DAB1: variants seen among roughly 807,000 people sequenced by gnomAD.
DAB1 encodes the protein disabled homolog 1.
Under a neutral mutation model 64.6 loss-of-function variants are expected in DAB1, and 15 were observed. The ratio of observed to expected loss-of-function variants is 0.23; its 90% CI spans 0.16 to 0.36. DAB1 has a LOEUF of 0.36. Among genes scored for constraint, DAB1 ranks in the 10% least tolerant of loss-of-function variants. The pLI, the probability that DAB1 is intolerant of heterozygous loss-of-function variation, is 1.00. For missense variants in DAB1, 596 were observed against 706.7 expected (o/e 0.84, Z 1.78); for synonymous variants, 235 against 251.9 (o/e 0.93, Z 0.64).
chr1:57,782,384 T>G (rs1650143187), intron 6 of DAB1, among the ~76,000 whole-genome samples: 1 of 152,178 alleles, frequency 6.6e-6, no homozygotes, highest in African/African-American at 2.4e-5. Context: ...TTCATATCTG[T>G]GGCTTAAATC....
rs77446655 is a variant in DAB1, at chr1:57,240,692, A to G, written c.67+50272T>C. Among the ~76,000 whole-genome samples, 197 of 152,346 alleles carry G rather than the reference A, an allele frequency of 1.3e-3. 5 individuals are homozygous for G. In the East Asian group the frequency reaches 0.028, roughly 21 times the overall value. ...AATGAATAAGAGACAAGAATGATGA[A>G]CATGGGCTAGAATGAGCTGAGGAGG... On this transcript the variant is annotated intron_variant, in intron 2 of 14. Coordinates refer to ENST00000371236, the MANE Select transcript of DAB1 (RefSeq NM_001365792.1).
chr1:58,202,633 GA>G (rs1369624109), intron 4 of DAB1, among the ~76,000 whole-genome samples: 1 of 152,158 alleles, frequency 6.6e-6, no homozygotes, highest in Non-Finnish European at 1.5e-5. Flanking sequence ...TGAGTTAATG[GA>G]CGTGAATGTG....
intron 1 of DAB1, among the ~76,000 whole-genome samples, chr1:57,868,596 T>C (rs1456512922): frequency 6.6e-6 from 1 of 152,114 alleles, no homozygotes; most frequent in Non-Finnish European, 1.5e-5. Context: ...AATCTATCTC[T>C]AGACATTTCC....
At chr1:57,068,513 T>C (rs775930402) in intron 8 of DAB1, among the ~76,000 whole-genome samples, 1 of 152,240 alleles carries the variant, frequency 6.6e-6, no homozygotes, top group Non-Finnish European at 1.5e-5. Context: ...CAAGGCAGAA[T>C]AGGCCACACA....
chr1:57,655,119 A>G (rs575261809), intron 6 of DAB1, among the ~76,000 whole-genome samples: 11 of 152,294 alleles, frequency 7.2e-5, no homozygotes, highest in African/African-American at 2.6e-4. Flanking sequence ...GCAAGTATTC[A>G]TGCTATCTTA....
chr1:57,982,859 C>G (rs1646099927), intron 5 of DAB1, among the ~76,000 whole-genome samples: 1 of 152,150 alleles, frequency 6.6e-6, no homozygotes, highest in Non-Finnish European at 1.5e-5. Context: ...GCTTTGTAAG[C>G]CTGGCACTGA....
chr1:57,010,232 G>T lies in DAB1; in HGVS notation c.*15+448C>A, dbSNP rs148265841. ...CATGGCTCACTGAGAAATTATCAGG[G>T]TGGGCAGAATGTGTCCATCTCAAAA... On this transcript the variant is annotated intron_variant, in intron 14 of 14. Coordinates refer to ENST00000371236, the MANE Select transcript of DAB1 (RefSeq NM_001365792.1). 5.3e-5 allele frequency among the ~76,000 whole-genome samples: 8 copies of T among 152,250 alleles called. No homozygotes were observed. The East Asian group carries it at 1.5e-3, about 29-fold the overall frequency.
chr1:58,000,014 GAGGGAGGGAGAA>G (rs1646482530), intron 5 of DAB1, among the ~76,000 whole-genome samples: 1 of 151,446 alleles, frequency 6.6e-6, no homozygotes, highest in African/African-American at 2.4e-5. Flanking sequence ...GGGAGGAAGA[GAGGGAGGGAGAA>G]AGGGAGGGAG....
At chr1:58,423,365 T>A (rs1191498386) in intron 3 of DAB1, among the ~76,000 whole-genome samples, 2 of 152,206 alleles carry the variant, frequency 1.3e-5, no homozygotes, top group African/African-American at 4.8e-5. Context: ...GCTGATCACC[T>A]AAGCTGGATG....
chr1:57,316,346 A>G (rs1675206263), intron 1 of DAB1, among the ~76,000 whole-genome samples: 1 of 152,200 alleles, frequency 6.6e-6, no homozygotes, highest in Admixed American at 6.5e-5. Flanking sequence ...AATCTTGTGC[A>G]TTTTATTTGC....
chr1:58,334,932 G>T (rs1392527667), intron 4 of DAB1, among the ~76,000 whole-genome samples: 1 of 152,034 alleles, frequency 6.6e-6, no homozygotes, highest in Admixed American at 6.6e-5. Flanking sequence ...CACTTCTGGG[G>T]AATAGAATGA....
intron 5 of DAB1, among the ~76,000 whole-genome samples, chr1:58,107,495 A>T (rs1197723716): frequency 6.6e-6 from 1 of 151,796 alleles, no homozygotes; most frequent in East Asian, 1.9e-4. Context: ...ATCTAAAAAA[A>T]GTAATCTAAC....
At chr1:57,128,643 C>G (rs1188433451) in intron 4 of DAB1, among the ~76,000 whole-genome samples, 1 of 152,078 alleles carries the variant, frequency 6.6e-6, no homozygotes, top group Non-Finnish European at 1.5e-5. Context: ...GGGGCCCGTA[C>G]AGCAAGCAGA....
chr1:57,711,483 G>A (rs1647028948), intron 6 of DAB1, among the ~76,000 whole-genome samples: 1 of 152,204 alleles, frequency 6.6e-6, no homozygotes, highest in African/African-American at 2.4e-5. Context: ...TTGGCTCCAG[G>A]GGAATAGGAG....
In DAB1 at chr1:57,679,014, G is replaced by A. The variant is rs557237834; in HGVS notation, n.552-29349C>T. On this transcript the variant is annotated intron_variant and non_coding_transcript_variant, in intron 6 of 20. Transcript: ENST00000485760. ...TCTCGATCTTCTGACCTCGTGATCCGCCTGCCTCGGCCTCCCAAAGTGCTA... is the reference window on the plus strand; with the variant it reads ...TCTCGATCTTCTGACCTCGTGATCCACCTGCCTCGGCCTCCCAAAGTGCTA... Among the ~76,000 whole-genome samples, 48 of 151,896 alleles carry A rather than the reference G, an allele frequency of 3.2e-4. No individual in the cohort carries two copies. In the South Asian group the frequency reaches 4.6e-3, roughly 14 times the overall value.
intron 2 of DAB1, among the ~76,000 whole-genome samples, chr1:57,194,132 T>C (rs1373388496): frequency 5.3e-5 from 8 of 152,230 alleles, no homozygotes; most frequent in Non-Finnish European, 8.8e-5. Context: ...TGAGTGTGCA[T>C]TAGAATCATC....
chr1:57,809,646 A>G (rs1209510088), intron 6 of DAB1, among the ~76,000 whole-genome samples: 2 of 152,204 alleles, frequency 1.3e-5, no homozygotes, highest in Non-Finnish European at 2.9e-5. Flanking sequence ...TAATTAATTG[A>G]GGACTGACAG....
chr1:58,420,486 T>G (rs550126405), intron 3 of DAB1, among the ~76,000 whole-genome samples: 1 of 152,320 alleles, frequency 6.6e-6, no homozygotes, highest in Non-Finnish European at 1.5e-5. Flanking sequence ...TGAGTGTATA[T>G]GTAGAAACCA....
intron 14 of DAB1, among the ~76,000 whole-genome samples, chr1:57,004,901 A>G (rs1398123708): frequency 1.3e-5 from 2 of 150,048 alleles, no homozygotes; most frequent in Non-Finnish European, 1.5e-5. Context: ...AATAACATCT[A>G]CCTCATGGGA....
Sources: gnomAD v4.1 joint callset for allele counts (sites outside exome capture counted in the v4.1 genomes callset) on GRCh38, gnomAD v4.1.1 for gene constraint, MANE v1.5 for transcripts, NCBI Gene and HGNC (gene_info 2026-07-23, HGNC 2026-07-21) for gene names.